The following RALGDS variants were observed in gnomAD, a reference collection of about 807,000 sequenced individuals.
RALGDS encodes ral guanine nucleotide dissociation stimulator.
RALGDS carries 44 observed loss-of-function variants against 99.8 expected under a neutral mutation model. That is an observed-to-expected ratio of 0.44 (90% CI 0.35 to 0.57). The LOEUF (loss-of-function observed/expected upper bound fraction) is 0.57, where lower values mean the gene tolerates loss of function less well. Among genes scored for constraint, RALGDS ranks in the 20% least tolerant of loss-of-function variants. The probability of loss-of-function intolerance (pLI) is 0.01; values close to 1 mark genes in which losing one functional copy is unlikely to be tolerated. For synonymous variants in RALGDS, 529 were observed against 505.0 expected, an observed-to-expected ratio of 1.05 and a Z score of -0.64; for missense variants, 1,022 against 1,203.1, an observed-to-expected ratio of 0.85 and a Z score of 2.23.
At chr9:133,145,689 C>T (rs572701167) in intron 1 of RALGDS, among the ~76,000 whole-genome samples, 14 of 152,300 alleles carry the variant, frequency 9.2e-5, no homozygotes, top group Middle Eastern at 3.4e-3. Flanking sequence ...CCATCTGGGT[C>T]ACCAAGCTCC....
chr9:133,143,843 C>T (rs1437761144), intron 1 of RALGDS, among the ~76,000 whole-genome samples: 1 of 147,668 alleles, frequency 6.8e-6, no homozygotes, highest in Non-Finnish European at 1.5e-5. Flanking sequence ...GGCTTCCACT[C>T]ATTCCACTCC....
At chr9:133,137,170 T>C (rs1832441260) in intron 1 of RALGDS, among the ~76,000 whole-genome samples, 2 of 150,914 alleles carry the variant, frequency 1.3e-5, no homozygotes, top group Admixed American at 6.6e-5. Flanking sequence ...GAGGTAAAGG[T>C]TGCAGTGAGC....
chr9:133,110,346 G>C lies in RALGDS; in HGVS notation c.438C>G (p.Thr146=). The change falls in exon 3 of 18, where the codon ACC becomes ACG. Residue 146 remains threonine, a synonymous_variant. Transcript: ENST00000372050. ...DLSYVTIFLC[T]YRAFTTTQQV... Reference sequence around the variant, plus strand: ...GTTGGGTGGTGGTGAAGGCTCTATAGGTACACAGGAAGATGGTGACGTAGG... The same window carrying C: ...GTTGGGTGGTGGTGAAGGCTCTATACGTACACAGGAAGATGGTGACGTAGG... 2 of 1,613,918 alleles carry C rather than the reference G, an allele frequency of 1.2e-6. No homozygotes were observed. Among genetic ancestry groups the C allele is most frequent in the Non-Finnish European group, 1.7e-6 (2 of 1,180,012 alleles).
chr9:133,105,101 G>A (rs191059983), intron 9 of RALGDS, among the ~76,000 whole-genome samples: 361 of 152,202 alleles, frequency 2.4e-3, no homozygotes, highest in African/African-American at 8.2e-3. Flanking sequence ...TGGGCTTCTC[G>A]TGCATGCCAG....
chr9:133,101,209 G>T (rs538721864), intron 16 of RALGDS: 2 of 1,241,796 alleles, frequency 1.6e-6, no homozygotes, highest in Admixed American at 7.0e-5. Flanking sequence ...CTTCCTCCCC[G>T]AGAAAGTCGA....
intron 1 of RALGDS, among the ~76,000 whole-genome samples, chr9:133,141,502 AG>A (rs201258528): frequency 0.017 from 2,547 of 151,806 alleles, 70 homozygotes; most frequent in African/African-American, 0.055. Flanking sequence ...CGGGGACCTC[AG>A]GGCAGACAGG....
At chr9:133,117,617 T>C (rs1831676603) in intron 1 of RALGDS, among the ~76,000 whole-genome samples, 2 of 152,268 alleles carry the variant, frequency 1.3e-5, no homozygotes, top group South Asian at 4.1e-4. Flanking sequence ...TGCATGAGGC[T>C]GCATGCATCA....
In RALGDS at chr9:133,101,775, G is replaced by A. The variant is rs770232517; in HGVS notation, c.2212-13C>T. ...CTGATTCCCAGAACTGAGGGAGACGGTAAGATCAGCAGATCCCACTGCCCT... is the reference window on the plus strand; with the variant it reads ...CTGATTCCCAGAACTGAGGGAGACGATAAGATCAGCAGATCCCACTGCCCT... On this transcript the variant is annotated splice_polypyrimidine_tract_variant and intron_variant, in intron 15 of 17. Transcript: ENST00000372050. 1.3e-5 allele frequency: 20 copies of A among 1,593,316 alleles called. No individual in the cohort carries two copies. The highest frequency in any genetic ancestry group is 1.5e-5 in the Non-Finnish European group (18 of 1,169,726).
At chr9:133,139,176 T>C (rs1361737627) in intron 1 of RALGDS, among the ~76,000 whole-genome samples, 1 of 152,142 alleles carries the variant, frequency 6.6e-6, no homozygotes. Flanking sequence ...CGTGCTAGAA[T>C]GCACATGTGC....
At chr9:133,137,495 A>C (rs1258629217) in intron 1 of RALGDS, among the ~76,000 whole-genome samples, 1 of 150,484 alleles carries the variant, frequency 6.6e-6, no homozygotes, top group Non-Finnish European at 1.5e-5. Context: ...GAGGAGCCTG[A>C]GGGAGGGCAG....
chr9:133,108,478 G>A lies in RALGDS; in HGVS notation c.779-72C>T, dbSNP rs1831181878. 2.2e-5 allele frequency: 32 copies of A among 1,474,846 alleles called. 1 individual carries two copies. In the South Asian group the frequency reaches 3.8e-4, roughly 17 times the overall value. 91.4% of individuals were successfully genotyped at this position (1,474,846 alleles called of 1,614,324 possible). On this transcript the variant is annotated intron_variant, in intron 5 of 17. Transcript: ENST00000372050. ...TTTCCAAAGACACAGAACAGCCCCG[G>A]CTTCCAGAGAAGCCTCTCTCCCCGA...
chr9:133,145,830 A>C (rs562298965), intron 1 of RALGDS, among the ~76,000 whole-genome samples: 1 of 152,356 alleles, frequency 6.6e-6, no homozygotes, highest in South Asian at 2.1e-4. Context: ...AATGTGAGAC[A>C]ATACTACAAA....
In RALGDS at chr9:133,144,679, G is replaced by T. The variant is rs1025909311; in HGVS notation, c.18+4284C>A. ...CACGCCCCCACACCCCCTGGCTGGG[G>T]GCTGGGTTCCTGCGATGTCTTCCGA... On this transcript the variant is annotated intron_variant, in intron 1 of 17. Coordinates refer to the RALGDS transcript ENST00000393160. This position sits in a 1 kb window ranked among gnomAD's most constrained non-coding sequence, Gnocchi z 4.5. Among the ~76,000 whole-genome samples, 6 of 152,214 alleles carry T rather than the reference G, an allele frequency of 3.9e-5. No homozygotes were observed. The highest frequency in any genetic ancestry group is 1.4e-4 in the African/African-American group (6 of 41,452).
At chr9:133,112,319 C>A (rs1181021818) in intron 1 of RALGDS, among the ~76,000 whole-genome samples, 167 bp from the exon 2 acceptor site, 1 of 151,970 alleles carries the variant, frequency 6.6e-6, no homozygotes, top group African/African-American at 2.4e-5. Context: ...GAGCCACTGT[C>A]CCGGCACTCC....
Position 133,103,883 on chromosome 9 carries a change from T to TCTCAGCC in RALGDS, c.1672-57_1672-51dup, listed in dbSNP as rs777139611. On this transcript the variant is annotated intron_variant, in intron 10 of 17. Coordinates refer to ENST00000372050, the MANE Select transcript of RALGDS (RefSeq NM_006266.4). ...AGCAAGGCCCCTCCCCTGAAGGCTT[T>TCTCAGCC]CTCAGCCCCCAGCCCCAACTGGTCT... is the stretch of plus-strand genomic sequence containing the variant. 4 of 1,559,834 alleles carry TCTCAGCC rather than the reference T, an allele frequency of 2.6e-6. No individual in the cohort carries two copies. The South Asian group carries it at 4.4e-5, about 17-fold the overall frequency.
chr9:133,142,363 G>T (rs1832538450), intron 1 of RALGDS, among the ~76,000 whole-genome samples: 1 of 152,118 alleles, frequency 6.6e-6, no homozygotes, highest in Non-Finnish European at 1.5e-5. Flanking sequence ...CCAGGGGTGG[G>T]TGTGCGCTGG....
rs147294385 is a variant in RALGDS at position 133,097,920 on chromosome 9, G to C, written c.*667C>G. ...TCTTGCATGGTCTCGTAAAGCCCAG[G>C]ACGCAGTGGTGAATGGCACTTGCAG... On this transcript the variant is annotated 3_prime_UTR_variant, in exon 18 of 18. Coordinates refer to ENST00000372050, the MANE Select transcript of RALGDS (RefSeq NM_006266.4). 88 of 231,514 alleles carry C rather than the reference G, an allele frequency of 3.8e-4. No individual in the cohort carries two copies. In the East Asian group the frequency reaches 5.4e-3, roughly 14 times the overall value. The allele number at this position is 231,514 out of a possible 1,614,324, so 14.3% of individuals were successfully genotyped here. A position where few individuals can be genotyped will look rare whatever the true frequency, so the allele number is the denominator to read the frequency against.
intron 1 of RALGDS, among the ~76,000 whole-genome samples, chr9:133,137,743 G>C (rs1048256755): frequency 6.6e-6 from 1 of 152,208 alleles, no homozygotes; most frequent in Non-Finnish European, 1.5e-5. Flanking sequence ...GTGGTAGGTG[G>C]TCAGGTTGGC....
chr9:133,102,388 G>C (rs1830798115), intron 14 of RALGDS, 88 bp downstream of exon 14: 2 of 1,430,896 alleles, frequency 1.4e-6, no homozygotes, highest in Non-Finnish European at 2.0e-6. Flanking sequence ...TCCAGGGCCA[G>C]CCTCCCTGAC....
Sources: allele counts gnomAD v4.1 joint callset (sites outside exome capture counted in the v4.1 genomes callset), GRCh38; gene constraint gnomAD v4.1.1; non-coding constraint Gnocchi (gnomAD v3.1); transcripts MANE v1.5; gene names NCBI Gene and HGNC (gene_info 2026-07-23, HGNC 2026-07-21).